Variants in RTN4 observed in about 807,000 individuals in gnomAD.
RTN4 encodes reticulon 4.
In RTN4, 32 loss-of-function variants were observed where a neutral mutation model predicts 90.4. The observed-to-expected ratio is 0.35, with a 90% CI of 0.27 to 0.48. The LOEUF is 0.48. Among genes scored for constraint, RTN4 ranks in the 20% least tolerant of loss-of-function variants. The probability of loss-of-function intolerance (pLI) is 0.99; values close to 1 mark genes in which losing one functional copy is unlikely to be tolerated. For missense variants in RTN4, 1,706 were observed against 1,430.2 expected (o/e 1.19, Z -3.11); for synonymous variants, 629 against 552.5 (o/e 1.14, Z -1.94).
intron 1 of RTN4, among the ~76,000 whole-genome samples, chr2:55,100,622 G>A (rs929057691): frequency 5.9e-5 from 9 of 151,986 alleles, no homozygotes; most frequent in Admixed American, 1.3e-4. Flanking sequence ...AAAACCCTAC[G>A]GAGCTCTAAC....
chr2:55,020,693 T>C (rs1681363677), intron 3 of RTN4, among the ~76,000 whole-genome samples: 1 of 152,192 alleles, frequency 6.6e-6, no homozygotes, highest in Non-Finnish European at 1.5e-5. Flanking sequence ...AACTGATTTC[T>C]GCCTACAAAA....
At chr2:55,045,971 C>A (rs913378533) in intron 1 of RTN4, among the ~76,000 whole-genome samples, 5 of 152,224 alleles carry the variant, frequency 3.3e-5, no homozygotes, top group Non-Finnish European at 7.3e-5. Flanking sequence ...AAATGGCCCT[C>A]AAGTGAGAGG....
rs72912565 is a variant in RTN4, at chr2:55,026,750, G to C, written c.1349C>G (p.Thr450Arg). Residue 450 changes from threonine to arginine, a missense_variant, in exon 3 of 9, where the codon ACG becomes AGG. By Grantham distance (71) the Thr-to-Arg change is moderately conservative (BLOSUM62 -1). Transcript: ENST00000337526. ...TGAACGATCCTTTATACCTTCTGGCGTACTGGGGAAAGAAGTATCATCATT... is the reference window on the plus strand; with the variant it reads ...TGAACGATCCTTTATACCTTCTGGCCTACTGGGGAAAGAAGTATCATCATT... ...SSNDDTSFPS[T>R]PEGIKDRSGA... 2 of 1,613,734 alleles carry C rather than the reference G, an allele frequency of 1.2e-6. No individual in the cohort carries two copies. The highest frequency in any genetic ancestry group is 2.7e-5 in the African/African-American group (2 of 74,862).
At chr2:55,071,832 T>C (rs1032300898) in intron 2 of RTN4, among the ~76,000 whole-genome samples, 1 of 152,176 alleles carries the variant, frequency 6.6e-6, no homozygotes, top group African/African-American at 2.4e-5. Flanking sequence ...ATAAACAGTT[T>C]AGGAGAGAGC....
chr2:55,062,940 C>G (rs932979004), intron 2 of RTN4, among the ~76,000 whole-genome samples: 2 of 152,248 alleles, frequency 1.3e-5, no homozygotes, highest in South Asian at 4.1e-4. Context: ...GTATGGAATA[C>G]AAGCATGATG....
chr2:55,114,664 A>T (rs1668093410), upstream of RTN4, among the ~76,000 whole-genome samples: 1 of 152,150 alleles, frequency 6.6e-6, no homozygotes, highest in Non-Finnish European at 1.5e-5. Flanking sequence ...GCGGCACTGC[A>T]CTCCAGGCTG....
chr2:55,098,795 T>C (rs1245671668), intron 1 of RTN4, among the ~76,000 whole-genome samples: 1 of 152,142 alleles, frequency 6.6e-6, no homozygotes, highest in Non-Finnish European at 1.5e-5. Flanking sequence ...ATTGACGAAA[T>C]CAGGTCATTT....
In RTN4 at chr2:55,050,207, C is replaced by G. The variant is rs772910537; in HGVS notation, c.94G>C (p.Glu32Gln). 7.6e-6 allele frequency: 12 copies of G among 1,568,858 alleles called. No homozygotes were observed. The South Asian group carries it at 1.2e-4, about 15-fold the overall frequency. ...TCCTCCTCTTCTTCCTCCTCGTCCT[C>G]GGGCTCCCTCACGAACTGGTACTTG... ...AFKYQFVREP[E>Q]DEEEEEEEEE... Residue 32 changes from glutamate to glutamine, a missense_variant, in exon 1 of 9, where the codon GAG becomes CAG. Physicochemically the swap from Glu to Gln is conservative, Grantham distance 29 (BLOSUM62 2). Transcript: ENST00000337526. The surrounding 1 kb of genome is among the most constrained non-coding windows in gnomAD (Gnocchi z 4.6).
chr2:54,973,870 G>A lies in RTN4; in HGVS notation c.3431-3C>T. ...AACACTGAAGAGTGAAATGAGAGCT[G>A]AAAAGGGAAATATACAACTTTTCAA... On this transcript the variant is annotated splice_polypyrimidine_tract_variant and splice_region_variant and intron_variant, in intron 6 of 8. Coordinates refer to ENST00000337526, the MANE Select transcript of RTN4 (RefSeq NM_020532.5). 1 of 1,611,086 alleles carries A rather than the reference G, an allele frequency of 6.2e-7. No homozygotes were observed.
chr2:54,976,050 G>C (rs1461111231), intron 5 of RTN4, among the ~76,000 whole-genome samples: 1 of 152,132 alleles, frequency 6.6e-6, no homozygotes, highest in African/African-American at 2.4e-5. Context: ...TATAACTTTT[G>C]CACTTGAGCA....
intron 3 of RTN4, among the ~76,000 whole-genome samples, chr2:55,020,130 C>G (rs1257766227): frequency 6.6e-6 from 1 of 152,116 alleles, no homozygotes; most frequent in African/African-American, 2.4e-5. Context: ...CCGTAATATC[C>G]AAAGCAGTCT....
chr2:55,093,914 C>A (rs1178423869), intron 1 of RTN4, among the ~76,000 whole-genome samples: 2 of 152,062 alleles, frequency 1.3e-5, no homozygotes, highest in East Asian at 3.9e-4. Context: ...AATTTTCTTG[C>A]TTTTATTCTA....
At chr2:54,993,146 G>C (rs1191673392) in intron 3 of RTN4, among the ~76,000 whole-genome samples, 1 of 151,522 alleles carries the variant, frequency 6.6e-6, no homozygotes, top group Non-Finnish European at 1.5e-5. Context: ...CTACTAAGCA[G>C]TGTTTTTATC....
chr2:55,096,154 C>A (rs140227106), intron 1 of RTN4, among the ~76,000 whole-genome samples: 3,736 of 152,188 alleles, frequency 0.025, 76 homozygotes, highest in South Asian at 0.034. Context: ...TGGAGAAACC[C>A]CGTCTCTACT....
chr2:54,998,769 T>A (rs1679640150), intron 3 of RTN4, among the ~76,000 whole-genome samples: 1 of 152,190 alleles, frequency 6.6e-6, no homozygotes, highest in South Asian at 2.1e-4. Flanking sequence ...CACCTTTCAA[T>A]AAGAACTACA....
At chr2:54,997,497 T>C (rs1368415415) in intron 3 of RTN4, among the ~76,000 whole-genome samples, 1 of 152,086 alleles carries the variant, frequency 6.6e-6, no homozygotes, top group Non-Finnish European at 1.5e-5. Flanking sequence ...GCAATTCCAC[T>C]CCTAGGAATT....
At chr2:54,982,401 G>T in intron 5 of RTN4, 114 bp downstream of exon 5, 1 of 899,092 alleles carries the variant, frequency 1.1e-6, no homozygotes, top group Non-Finnish European at 1.7e-6. Flanking sequence ...TTACAGCCAT[G>T]TGATTTAATT....
chr2:55,059,333 A>C (rs1019035632), intron 2 of RTN4, among the ~76,000 whole-genome samples: 4 of 151,416 alleles, frequency 2.6e-5, no homozygotes, highest in Non-Finnish European at 4.4e-5. Context: ...AATATACTTA[A>C]TACATATAGT....
intron 2 of RTN4, among the ~76,000 whole-genome samples, chr2:55,067,007 C>T (rs1668405504): frequency 6.6e-6 from 1 of 152,058 alleles, no homozygotes; most frequent in Non-Finnish European, 1.5e-5. Flanking sequence ...GTTTGTTACC[C>T]AAAAGTACAG....
Sources: allele counts gnomAD v4.1 joint callset (sites outside exome capture counted in the v4.1 genomes callset), GRCh38; gene constraint gnomAD v4.1.1; non-coding constraint Gnocchi (gnomAD v3.1); transcripts MANE v1.5; gene names NCBI Gene and HGNC (gene_info 2026-07-23, HGNC 2026-07-21).